The following ELF2 variants were observed in gnomAD, a reference collection of about 807,000 sequenced individuals.
ELF2 encodes ETS-related transcription factor Elf-2.
A neutral mutation model predicts 54.8 loss-of-function variants in ELF2; 11 were observed. That is an observed-to-expected ratio of 0.20 (90% CI 0.13 to 0.33). The LOEUF is 0.33. Ranked by LOEUF, ELF2 falls within the 10% of genes least tolerant of loss-of-function variation. The pLI, the probability that ELF2 is intolerant of heterozygous loss-of-function variation, is 1.00. For synonymous variants in ELF2, 203 were observed against 245.1 expected (o/e 0.83, Z 1.61); for missense variants, 513 against 703.0 (o/e 0.73, Z 3.06).
chr4:139,081,305 G>T (rs1731076766), intron 4 of ELF2, among the ~76,000 whole-genome samples: 2 of 152,124 alleles, frequency 1.3e-5, no homozygotes, highest in Non-Finnish European at 2.9e-5. Flanking sequence ...CTAAAGGAAT[G>T]CACATGTGAT....
rs549674216 is a variant in ELF2 at position 139,119,919 on chromosome 4, G to A, written c.238+5245C>T. 2.4e-4 allele frequency among the ~76,000 whole-genome samples: 36 copies of A among 152,044 alleles called. No individual in the cohort carries two copies. In the South Asian group the frequency reaches 5.8e-3, roughly 25 times the overall value. On this transcript the variant is annotated intron_variant, in intron 4 of 9. Coordinates refer to ENST00000686138, the MANE Select transcript of ELF2 (RefSeq NM_001331036.3). ...CTCCTGAGTAGCTGGGATTACAGGC[G>A]TGCACCACCACACCCAGCTAATTTT...
intron 4 of ELF2, among the ~76,000 whole-genome samples, chr4:139,086,122 T>C (rs1731953535): frequency 1.3e-5 from 2 of 151,916 alleles, no homozygotes; most frequent in South Asian, 4.2e-4. Flanking sequence ...AAATGGTTGA[T>C]TTTTTTTAAT....
In ELF2 at chr4:139,117,491, C is replaced by T. The variant is rs143971984; in HGVS notation, c.238+7673G>A. ...GGCAGATCGCATGAGGCCAGGAGTT[C>T]GAGATCAGCCTGTACAACAAGGAGA... On this transcript the variant is annotated intron_variant, in intron 4 of 9. Transcript: ENST00000686138. Among the ~76,000 whole-genome samples, 155 of 149,820 alleles carry T rather than the reference C, an allele frequency of 1.0e-3. 1 individual carries two copies. Among genetic ancestry groups the T allele is most frequent in the African/African-American group, 3.7e-3 (151 of 40,652 alleles).
intron 1 of ELF2, among the ~76,000 whole-genome samples, chr4:139,175,236 G>A (rs1467294536): frequency 3.3e-5 from 5 of 152,170 alleles, no homozygotes; most frequent in African/African-American, 1.2e-4. Context: ...ACTTAGGACA[G>A]AAAAATCCCA....
At chr4:139,074,458 A>C (rs1234605618) in intron 4 of ELF2, among the ~76,000 whole-genome samples, 1 of 152,058 alleles carries the variant, frequency 6.6e-6, no homozygotes, top group Admixed American at 6.6e-5. Flanking sequence ...AGAGTCAAAC[A>C]ACCTCAGATT....
chr4:139,172,568 G>A (rs923372810), intron 1 of ELF2, among the ~76,000 whole-genome samples: 1 of 152,002 alleles, frequency 6.6e-6, no homozygotes, highest in Non-Finnish European at 1.5e-5. Flanking sequence ...AGAGTAATGA[G>A]GATGACAACT....
intron 3 of ELF2, among the ~76,000 whole-genome samples, chr4:139,135,778 T>C (rs1738089967): frequency 6.6e-6 from 1 of 152,244 alleles, no homozygotes; most frequent in Non-Finnish European, 1.5e-5. Context: ...TCTGACTTCC[T>C]TTATAAAATG....
chr4:139,151,028 A>G (rs866286057), intron 1 of ELF2, among the ~76,000 whole-genome samples: 13 of 105,310 alleles, frequency 1.2e-4, no homozygotes, highest in African/African-American at 6.3e-4. Context: ...CATCTCAAAA[A>G]AAAAAAAGAA....
In ELF2 at chr4:139,097,648, T is replaced by A. The variant is rs113669492; in HGVS notation, c.239-24081A>T. ...AAAAAAAAAAGTAAAGAAAAAAAAA[T>A]ATGCAATGCTTTCAATGTTATTTAG... On this transcript the variant is annotated intron_variant, in intron 4 of 9. Coordinates refer to ENST00000686138, the MANE Select transcript of ELF2 (RefSeq NM_001331036.3). Among the ~76,000 whole-genome samples the A allele has an allele frequency of 9.4e-3, 1,407 of 149,072 alleles. 21 individuals are homozygous for A. The highest frequency in any genetic ancestry group is 0.011 in the Non-Finnish European group (767 of 67,182).
chr4:139,073,825 T>A (rs1419364571), intron 4 of ELF2: 3 of 189,264 alleles, frequency 1.6e-5, no homozygotes, highest in East Asian at 1.2e-4. Flanking sequence ...ACCAATGACA[T>A]TGATTAGAAA....
chr4:139,065,049 A>T (rs1476739597), intron 7 of ELF2, among the ~76,000 whole-genome samples: 5 of 152,278 alleles, frequency 3.3e-5, no homozygotes, highest in Admixed American at 6.5e-5. Flanking sequence ...TATTTTGTTC[A>T]CATAGTAGTA....
chr4:139,147,449 T>A (rs758069594), intron 1 of ELF2, among the ~76,000 whole-genome samples: 1 of 152,204 alleles, frequency 6.6e-6, no homozygotes, highest in Admixed American at 6.5e-5. Flanking sequence ...TGTAAATTAG[T>A]GCAACCTCTA....
intron 4 of ELF2, among the ~76,000 whole-genome samples, chr4:139,107,026 G>A (rs1316906593): frequency 6.6e-6 from 1 of 151,916 alleles, no homozygotes; most frequent in Admixed American, 6.6e-5. Context: ...GATTACAGGC[G>A]TGTGCCACCA....
intron 1 of ELF2, among the ~76,000 whole-genome samples, chr4:139,169,108 G>A (rs1742000380): frequency 6.6e-6 from 1 of 151,948 alleles, no homozygotes; most frequent in Non-Finnish European, 1.5e-5. Flanking sequence ...AGCACTTTGG[G>A]AGGCCAGGGC....
upstream of ELF2, among the ~76,000 whole-genome samples, chr4:139,177,551 A>G (rs1743100336): frequency 6.6e-6 from 1 of 151,908 alleles, no homozygotes; most frequent in South Asian, 2.1e-4. Context: ...CTTCCCAGGT[A>G]AAGACGCTCG....
chr4:139,134,918 T>C (rs1737972244), intron 3 of ELF2, among the ~76,000 whole-genome samples: 1 of 151,926 alleles, frequency 6.6e-6, no homozygotes, highest in Non-Finnish European at 1.5e-5. Context: ...TTTAAATATA[T>C]GACTACATTT....
intron 1 of ELF2, among the ~76,000 whole-genome samples, chr4:139,174,288 A>G (rs2148923078): frequency 6.6e-6 from 1 of 152,220 alleles, no homozygotes; most frequent in African/African-American, 2.4e-5. Context: ...CAACATGGAT[A>G]TACTTTGAAA....
chr4:139,123,238 G>A (rs1736579285), intron 4 of ELF2, among the ~76,000 whole-genome samples: 1 of 151,282 alleles, frequency 6.6e-6, no homozygotes, highest in East Asian at 1.9e-4. Context: ...GAATTTTTGA[G>A]GTGCTTTTAT....
At chr4:139,083,782 C>A (rs553090198) in intron 4 of ELF2, among the ~76,000 whole-genome samples, 124 of 152,328 alleles carry the variant, frequency 8.1e-4, no homozygotes, top group African/African-American at 2.8e-3. Context: ...GGTTCCTCAG[C>A]AACTGGGGTG....
Sources: gnomAD v4.1 joint callset for allele counts (sites outside exome capture counted in the v4.1 genomes callset) on GRCh38, gnomAD v4.1.1 for gene constraint, MANE v1.5 for transcripts, NCBI Gene and HGNC (gene_info 2026-07-23, HGNC 2026-07-21) for gene names.